Variants in MGAT4C observed in about 807,000 individuals in gnomAD.
The protein encoded by MGAT4C is MGAT4 family member C.
MGAT4C carries 19 observed loss-of-function variants against 40.1 expected under a neutral mutation model. The observed-to-expected ratio is 0.47, with a 90% CI of 0.33 to 0.70. The LOEUF (loss-of-function observed/expected upper bound fraction) is 0.70, where lower values mean the gene tolerates loss of function less well. MGAT4C is among the 30% of genes least tolerant of loss of function. MGAT4C has a pLI of 0.02. For synonymous variants in MGAT4C, 181 were observed against 187.1 expected, an observed-to-expected ratio of 0.97 and a Z score of 0.27; for missense variants, 491 against 563.2, an observed-to-expected ratio of 0.87 and a Z score of 1.30.
At chr12:86,609,193 T>C (rs935376850) in intron 2 of MGAT4C, among the ~76,000 whole-genome samples, 1 of 152,076 alleles carries the variant, frequency 6.6e-6, no homozygotes, top group African/African-American at 2.4e-5. Context: ...TGCAAAATTA[T>C]TGGGAAAATA....
At chr12:86,570,333 A>G (rs1033243330) in intron 2 of MGAT4C, among the ~76,000 whole-genome samples, 3 of 152,076 alleles carry the variant, frequency 2.0e-5, no homozygotes, top group Non-Finnish European at 4.4e-5. Flanking sequence ...AATAAATTTT[A>G]AAAATTTTAC....
intron 1 of MGAT4C, among the ~76,000 whole-genome samples, chr12:86,200,908 C>A (rs1482302581): frequency 6.6e-6 from 1 of 152,084 alleles, no homozygotes; most frequent in Non-Finnish European, 1.5e-5. Flanking sequence ...TCTGAACAGG[C>A]ACAGAGGAGA....
intron 4 of MGAT4C, among the ~76,000 whole-genome samples, chr12:86,292,237 T>A (rs190767463): frequency 1.3e-5 from 2 of 152,048 alleles, no homozygotes; most frequent in African/African-American, 4.8e-5. Flanking sequence ...TAAATACATT[T>A]TAGCAAAAAT....
At chr12:86,460,796 G>A (rs187086035) in intron 2 of MGAT4C, among the ~76,000 whole-genome samples, 9 of 152,174 alleles carry the variant, frequency 5.9e-5, no homozygotes, top group Admixed American at 3.3e-4. Context: ...ATTCACGACA[G>A]TTAAATTTAA....
At chr12:86,447,548 T>A (rs775743095) in intron 2 of MGAT4C, among the ~76,000 whole-genome samples, 1 of 152,022 alleles carries the variant, frequency 6.6e-6, no homozygotes, top group Non-Finnish European at 1.5e-5. Context: ...GAGTACCAGT[T>A]TTTTTTTAAC....
At chr12:86,802,623 GACAA>G (rs1278685088) in intron 1 of MGAT4C, among the ~76,000 whole-genome samples, 7 of 151,116 alleles carry the variant, frequency 4.6e-5, no homozygotes, top group Admixed American at 4.0e-4. Flanking sequence ...ACCAACAACA[GACAA>G]ACAGAGAGCC....
At chr12:86,470,041 A>G (rs1452727065) in intron 2 of MGAT4C, among the ~76,000 whole-genome samples, 2 of 152,100 alleles carry the variant, frequency 1.3e-5, no homozygotes, top group Non-Finnish European at 2.9e-5. Flanking sequence ...CGCTGTATGT[A>G]TACACCACAT....
chr12:86,295,149 G>A (rs1445757701), intron 4 of MGAT4C, among the ~76,000 whole-genome samples: 1 of 152,076 alleles, frequency 6.6e-6, no homozygotes, highest in East Asian at 1.9e-4. Flanking sequence ...ATATATTTTA[G>A]TTCTCTGAAA....
chr12:86,246,179 C>CTTTTTTTT (rs57004605), intron 1 of MGAT4C, among the ~76,000 whole-genome samples: 6 of 70,122 alleles, frequency 8.6e-5, no homozygotes, highest in East Asian at 4.9e-4. Context: ...TGTACCATTG[C>CTTTTTTTT]TTTTTTTTTT....
chr12:86,518,742 T>C (rs1958741452), intron 2 of MGAT4C, among the ~76,000 whole-genome samples: 2 of 152,180 alleles, frequency 1.3e-5, no homozygotes, highest in South Asian at 4.1e-4. Flanking sequence ...CTACTACTTC[T>C]ATCAGGCATA....
At chr12:86,178,073 A>G (rs1887678510) in intron 1 of MGAT4C, among the ~76,000 whole-genome samples, 1 of 152,066 alleles carries the variant, frequency 6.6e-6, no homozygotes, top group Non-Finnish European at 1.5e-5. Context: ...AGTAGCTGGG[A>G]CTACAGGTGC....
intron 2 of MGAT4C, among the ~76,000 whole-genome samples, chr12:86,456,356 G>C (rs538024245): frequency 6.6e-4 from 101 of 152,186 alleles, no homozygotes; most frequent in African/African-American, 2.4e-3. Context: ...ATTAAAATGA[G>C]TAACAGAGAA....
rs572094016 is a variant in MGAT4C, at chr12:86,837,542, T to C, written c.-262+1124A>G. Among the ~76,000 whole-genome samples, 16 of 152,242 alleles carry C rather than the reference T, an allele frequency of 1.1e-4. No homozygotes were observed. In the East Asian group the frequency reaches 3.1e-3, roughly 29 times the overall value. ...AACACAAACTCTGTGTTCCAGTCCA[T>C]ACAGCAGCAGGTACACCATGCTCCA... is the stretch of plus-strand genomic sequence containing the variant. On this transcript the variant is annotated intron_variant, in intron 1 of 7. Transcript: ENST00000548651.
chr12:86,822,172 C>T (rs896317745), intron 1 of MGAT4C, among the ~76,000 whole-genome samples: 1 of 150,270 alleles, frequency 6.7e-6, no homozygotes, highest in East Asian at 2.0e-4. Flanking sequence ...TCACCACACA[C>T]ATTAAAGAAA....
intron 2 of MGAT4C, among the ~76,000 whole-genome samples, chr12:86,694,303 T>C (rs893737054): frequency 6.6e-6 from 1 of 151,442 alleles, no homozygotes; most frequent in African/African-American, 2.4e-5. Context: ...ATGTCCAAAA[T>C]AAATTCTAAA....
Position 86,641,868 on chromosome 12 carries a change from G to A in MGAT4C, c.-229+85341C>T, listed in dbSNP as rs547433445. On this transcript the variant is annotated intron_variant, in intron 2 of 7. Transcript: ENST00000548651. ...ATATCATTAAGTGAAATAATGTATG[G>A]AGAAAGAAACATGCCAATTGTTCTA... is the stretch of plus-strand genomic sequence containing the variant. 3.3e-5 allele frequency among the ~76,000 whole-genome samples: 5 copies of A among 151,978 alleles called. No individual in the cohort carries two copies. The South Asian group carries it at 1.0e-3, about 32-fold the overall frequency.
At chr12:86,445,380 A>G (rs548935350) in intron 2 of MGAT4C, among the ~76,000 whole-genome samples, 131 of 152,320 alleles carry the variant, frequency 8.6e-4, no homozygotes, top group Admixed American at 3.4e-3. Flanking sequence ...CATTCACCAT[A>G]TTTAGCAAAA....
At chr12:86,684,975 T>C (rs917258538) in intron 2 of MGAT4C, among the ~76,000 whole-genome samples, 2 of 152,164 alleles carry the variant, frequency 1.3e-5, no homozygotes, top group Non-Finnish European at 2.9e-5. Flanking sequence ...TTTTCTCCTA[T>C]TCTGTATGTT....
At position 86,060,975 on chromosome 12, in the gene MGAT4C, C is replaced by A. The variant is rs376388815; in HGVS notation, c.-56-11252G>T. On this transcript the variant is annotated intron_variant, in intron 1 of 4. Coordinates refer to ENST00000611864, the MANE Select transcript of MGAT4C (RefSeq NM_001351288.2). ...CGCCCATCATTTCACCCAGTTTTTTCATCCCCAATATGGGCTTTCAACTTG... is the reference window on the plus strand; with the variant it reads ...CGCCCATCATTTCACCCAGTTTTTTAATCCCCAATATGGGCTTTCAACTTG... Among the ~76,000 whole-genome samples, 50 of 152,224 alleles carry A rather than the reference C, an allele frequency of 3.3e-4. No homozygotes were observed. In the South Asian group the frequency reaches 8.5e-3, roughly 26 times the overall value.
Sources: gnomAD v4.1 joint callset for allele counts (sites outside exome capture counted in the v4.1 genomes callset) on GRCh38, gnomAD v4.1.1 for gene constraint, MANE v1.5 for transcripts, NCBI Gene and HGNC (gene_info 2026-07-23, HGNC 2026-07-21) for gene names.